Variants in NALCN observed in about 807,000 individuals in gnomAD.
The protein encoded by NALCN is sodium leak channel NALCN.
NALCN carries 111 observed loss-of-function variants against 225.3 expected under a neutral mutation model. That is an observed-to-expected ratio of 0.49 (90% CI 0.42 to 0.58). NALCN has a LOEUF of 0.58. Ranked by LOEUF, NALCN falls within the 20% of genes least tolerant of loss-of-function variation. The pLI is 0.00. For synonymous variants in NALCN, 764 were observed against 769.0 expected (o/e 0.99, Z 0.11); for missense variants, 1,378 against 2,202.4 (o/e 0.63, Z 7.49).
intron 7 of NALCN, among the ~76,000 whole-genome samples, chr13:101,312,562 C>T (rs1279732907): frequency 6.6e-6 from 1 of 151,828 alleles, no homozygotes; most frequent in Non-Finnish European, 1.5e-5. Context: ...TATGTTGTGT[C>T]TTTGTTCTCG....
chr13:101,375,603 T>C (rs1266399857), intron 6 of NALCN, among the ~76,000 whole-genome samples: 9 of 152,210 alleles, frequency 5.9e-5, no homozygotes, highest in Non-Finnish European at 1.3e-4. Flanking sequence ...ATTTTGAAGA[T>C]GAATGGCTGC....
chr13:101,076,140 C>T (rs564439175), intron 34 of NALCN, among the ~76,000 whole-genome samples, 199 bp from the exon 35 acceptor site: 5 of 152,328 alleles, frequency 3.3e-5, no homozygotes, highest in South Asian at 2.1e-4. Flanking sequence ...AATTCAGTCT[C>T]AAATGAAACT....
chr13:101,131,240 A>G (rs2036501871), intron 17 of NALCN, among the ~76,000 whole-genome samples: 1 of 152,092 alleles, frequency 6.6e-6, no homozygotes, highest in South Asian at 2.1e-4. Context: ...TAATTTTTCA[A>G]TAGTATGCTA....
intron 3 of NALCN, 65 bp from the exon 4 acceptor site, chr13:101,378,718 G>C: frequency 7.6e-7 from 1 of 1,323,390 alleles, no homozygotes; most frequent in Non-Finnish European, 1.1e-6. Context: ...ATCTGTGGAG[G>C]AAAATGTCAA....
intron 13 of NALCN, among the ~76,000 whole-genome samples, chr13:101,205,560 A>C (rs1566428607): frequency 6.6e-6 from 1 of 152,126 alleles, no homozygotes; most frequent in Non-Finnish European, 1.5e-5. Context: ...AATAATGTTG[A>C]ACTGCAACCG....
chr13:101,348,185 T>A (rs558435038), intron 6 of NALCN, among the ~76,000 whole-genome samples: 2 of 152,304 alleles, frequency 1.3e-5, no homozygotes, highest in East Asian at 3.9e-4. Context: ...AAATCACATT[T>A]CAGATATTTG....
intron 2 of NALCN, among the ~76,000 whole-genome samples, chr13:101,398,011 A>G (rs2047365003): frequency 6.6e-6 from 1 of 152,118 alleles, no homozygotes; most frequent in Admixed American, 6.6e-5. Flanking sequence ...CAGAGAGCCT[A>G]GAGGAGTAGG....
At chr13:101,074,297 T>C (rs928751074) in intron 36 of NALCN, among the ~76,000 whole-genome samples, 1 of 152,192 alleles carries the variant, frequency 6.6e-6, no homozygotes, top group Non-Finnish European at 1.5e-5. Flanking sequence ...TTATTTCTAA[T>C]TTTTCTAAGG....
At chr13:101,374,779 C>G (rs1890234) in intron 6 of NALCN, among the ~76,000 whole-genome samples, 30,795 of 152,088 alleles carry the variant, frequency 0.2, 3,293 homozygotes, top group Non-Finnish European at 0.24. Flanking sequence ...TCTGAAAACA[C>G]GTGGAAACAA....
intron 20 of NALCN, among the ~76,000 whole-genome samples, chr13:101,108,558 C>T (rs367759753): frequency 2.6e-5 from 4 of 152,198 alleles, no homozygotes; most frequent in East Asian, 3.9e-4. Context: ...TATGAAGGTG[C>T]TATTTGAGGA....
intron 7 of NALCN, among the ~76,000 whole-genome samples, chr13:101,344,630 C>G (rs550347288): frequency 6.6e-6 from 1 of 152,218 alleles, no homozygotes; most frequent in Admixed American, 6.5e-5. Flanking sequence ...TATAAAAATA[C>G]AATGATATCA....
chr13:101,406,798 AT>A (rs889585114), intron 1 of NALCN, among the ~76,000 whole-genome samples: 1 of 152,044 alleles, frequency 6.6e-6, no homozygotes, highest in African/African-American at 2.4e-5. Flanking sequence ...TACCTTCATT[AT>A]TTTTTTCTCT....
intron 40 of NALCN, among the ~76,000 whole-genome samples, chr13:101,065,083 C>T (rs770215168): frequency 6.6e-6 from 1 of 152,206 alleles, no homozygotes; most frequent in Non-Finnish European, 1.5e-5. Flanking sequence ...GTTCCCGCAT[C>T]ACAGGGAAGG....
intron 30 of NALCN, among the ~76,000 whole-genome samples, chr13:101,086,864 A>G (rs2033958361): frequency 6.6e-6 from 1 of 152,078 alleles, no homozygotes; most frequent in Non-Finnish European, 1.5e-5. Flanking sequence ...GTGTTTGTTT[A>G]AAATTGTTCT....
chr13:101,286,413 G>A (rs1322613231), intron 9 of NALCN, among the ~76,000 whole-genome samples: 1 of 152,104 alleles, frequency 6.6e-6, no homozygotes, highest in African/African-American at 2.4e-5. Flanking sequence ...TCTTCTTCCT[G>A]CTCTCTGGGA....
intron 13 of NALCN, among the ~76,000 whole-genome samples, chr13:101,198,635 G>T (rs1345051959): frequency 6.6e-6 from 1 of 152,122 alleles, no homozygotes; most frequent in Non-Finnish European, 1.5e-5. Flanking sequence ...AAAAAGTCAG[G>T]AAACAACAGG....
At chr13:101,138,765 C>T (rs1210680855) in intron 17 of NALCN, among the ~76,000 whole-genome samples, 2 of 152,192 alleles carry the variant, frequency 1.3e-5, no homozygotes, top group Non-Finnish European at 2.9e-5. Context: ...TACAGGGTTA[C>T]TGGAAAGTCA....
At chr13:101,251,412 C>T (rs992473638) in intron 11 of NALCN, among the ~76,000 whole-genome samples, 3 of 151,958 alleles carry the variant, frequency 2.0e-5, no homozygotes, top group African/African-American at 7.2e-5. Flanking sequence ...AGGAGGAGAT[C>T]AAGAAGTGGT....
At position 101,391,545 on chromosome 13, in the gene NALCN, A is replaced by G. The variant is rs1290252388; in HGVS notation, c.291+3638T>C. Reference sequence around the variant, plus strand: ...AAAAAGTTTTAAGAATCAGCCACACATGGTGGCACACACCTGTAGTCCCAG... The same window carrying G: ...AAAAAGTTTTAAGAATCAGCCACACGTGGTGGCACACACCTGTAGTCCCAG... On this transcript the variant is annotated intron_variant, in intron 3 of 43. Transcript: ENST00000251127. 2.0e-5 allele frequency among the ~76,000 whole-genome samples: 3 copies of G among 152,040 alleles called. No homozygotes were observed. The East Asian group carries it at 5.8e-4, about 29-fold the overall frequency.
Sources: allele counts gnomAD v4.1 joint callset (sites outside exome capture counted in the v4.1 genomes callset), GRCh38; gene constraint gnomAD v4.1.1; transcripts MANE v1.5; gene names NCBI Gene and HGNC (gene_info 2026-07-23, HGNC 2026-07-21).